DNMT3L: variants seen among roughly 807,000 people sequenced by gnomAD.
DNMT3L encodes the protein DNA (cytosine-5)-methyltransferase 3-like.
Under a neutral mutation model 36.2 loss-of-function variants are expected in DNMT3L, and 33 were observed. The ratio of observed to expected loss-of-function variants is 0.91; its 90% CI spans 0.69 to 1.22. The LOEUF (loss-of-function observed/expected upper bound fraction) is 1.22, where lower values mean the gene tolerates loss of function less well. DNMT3L is among the 50% of genes most tolerant of loss of function. The probability of loss-of-function intolerance (pLI) is 0.00; values close to 1 mark genes in which losing one functional copy is unlikely to be tolerated. For synonymous variants in DNMT3L, 117 were observed against 121.7 expected (o/e 0.96, Z 0.26); for missense variants, 310 against 303.1 (o/e 1.02, Z -0.17).
intron 2 of DNMT3L, 24 bp from the exon 3 acceptor site, chr21:44,260,863 C>A (rs570957584): frequency 3.4e-5 from 55 of 1,612,690 alleles, no homozygotes; most frequent in Non-Finnish European, 4.7e-5. Context: ...TAAGAAGTAG[C>A]CCCTTTCTTC....
At position 44,258,590 on chromosome 21, in the gene DNMT3L, C is replaced by T. The variant is rs750418689; in HGVS notation, c.449G>A (p.Arg150Gln). The T allele has an allele frequency of 1.2e-5, 20 of 1,610,800 alleles. No homozygotes were observed. Among genetic ancestry groups the T allele is most frequent in the South Asian group, 9.9e-5 (9 of 90,710 alleles). Reference sequence around the variant, plus strand: ...CCTCCGACGCTGCAGCAGCCCGCTTCGGGAGGACGGCAGGCACAGGTAGCA... The same window carrying T: ...CCTCCGACGCTGCAGCAGCCCGCTTTGGGAGGACGGCAGGCACAGGTAGCA... ...WVCYLCLPSS[R>Q]SGLLQRRRKW... The change falls in exon 6 of 12, where the codon CGA becomes CAA. Residue 150 changes from arginine (R) to glutamine (Q), a missense_variant. Physicochemically the swap from Arg to Gln is conservative, Grantham distance 43. Transcript: ENST00000628202. The surrounding 1 kb of genome is among the most constrained non-coding windows in gnomAD (Gnocchi z 6.2).
chr21:44,257,593 A>G (rs2040270569), intron 6 of DNMT3L, among the ~76,000 whole-genome samples: 1 of 148,704 alleles, frequency 6.7e-6, no homozygotes. Context: ...AGGCAGGAGA[A>G]TGGCGTGAAC....
intron 7 of DNMT3L, 118 bp from the exon 8 acceptor site, chr21:44,254,823 T>C (rs2040244946): frequency 2.0e-6 from 2 of 1,000,242 alleles, no homozygotes; most frequent in South Asian, 3.3e-5. Flanking sequence ...GCCAACTGTA[T>C]ATTTTTGTTG....
chr21:44,259,734 A>G (rs748395162), intron 3 of DNMT3L, 23 bp from the exon 4 acceptor site: 17 of 1,597,296 alleles, frequency 1.1e-5, no homozygotes, highest in African/African-American at 1.3e-5. Flanking sequence ...TTCAAAGCAC[A>G]CTGTGTTTTC....
At chr21:44,257,698 AAATAAATAAAT>A (rs2040274518) in intron 6 of DNMT3L, among the ~76,000 whole-genome samples, 1 of 39,644 alleles carries the variant, frequency 2.5e-5, no homozygotes, top group Non-Finnish European at 4.3e-5. Flanking sequence ...AAAAAAAAAT[AAATAAATAAAT>A]AAATAAATAA....
In DNMT3L at chr21:44,259,479, GAGC is replaced by G. The variant is rs776918241; in HGVS notation, c.299_301del (p.Cys100del). ...TCCGCAGATGAGCAGCGTCTCTCCG[GAGC>G]AGCAGATGGAGCAGTAGGATTGGTA... On this transcript the variant is annotated inframe_deletion, in exon 5 of 12. Coordinates refer to ENST00000628202, the MANE Select transcript of DNMT3L (RefSeq NM_175867.3). 6.2e-7 allele frequency: 1 copy of G among 1,613,700 alleles called. No homozygotes were observed. Among genetic ancestry groups the G allele is most frequent in the Non-Finnish European group, 8.5e-7 (1 of 1,180,012 alleles).
At chr21:44,257,702 AAAT>A (rs1443353041) in intron 6 of DNMT3L, among the ~76,000 whole-genome samples, 8 of 46,998 alleles carry the variant, frequency 1.7e-4, no homozygotes, top group African/African-American at 9.9e-4. Context: ...AAAAATAAAT[AAAT>A]AAATAAATAA....
At position 44,261,332 on chromosome 21, in the gene DNMT3L, C is replaced by T. The variant is rs554625850; in HGVS notation, c.-7-66G>A. ...AGCCCCTGCTCAGATCCCTGATGCA[C>T]CCCAGCACGGGAAGCAGCTTGCTGA... On this transcript the variant is annotated intron_variant, in intron 1 of 11. Transcript: ENST00000628202. 4.1e-6 allele frequency: 6 copies of T among 1,469,800 alleles called. No homozygotes were observed. In the African/African-American group the frequency reaches 4.2e-5, roughly 10 times the overall value. 91.0% of individuals were successfully genotyped at this position (1,469,800 alleles called of 1,614,324 possible).
intron 1 of DNMT3L, 56 bp from the exon 2 acceptor site, chr21:44,261,322 C>A: frequency 6.6e-7 from 1 of 1,507,162 alleles, no homozygotes; most frequent in Non-Finnish European, 9.1e-7. Flanking sequence ...CTGCTCAGAT[C>A]CCTGATGCAC....
intron 2 of DNMT3L, 35 bp from the exon 3 acceptor site, chr21:44,260,874 T>C (rs1360720277): frequency 1.2e-6 from 2 of 1,612,616 alleles, no homozygotes; most frequent in African/African-American, 1.3e-5. Context: ...CCCTTTCTTC[T>C]TCCTCTGATC....
chr21:44,255,411 C>T (rs1452874280), intron 7 of DNMT3L, among the ~76,000 whole-genome samples: 1 of 151,536 alleles, frequency 6.6e-6, no homozygotes, highest in Non-Finnish European at 1.5e-5. Flanking sequence ...ATCCCAGCTG[C>T]TCGGGAGGCT....
rs1384351127 is a variant in DNMT3L at position 44,255,533 on chromosome 21, A to G, written c.604+534T>C. On this transcript the variant is annotated intron_variant, in intron 7 of 11. Transcript: ENST00000628202. ...AAAAAAAAAGGATGTCAAGGACTGT[A>G]TTACAGCACCAGGCATTTCTGGGAT... 2.7e-5 allele frequency among the ~76,000 whole-genome samples: 4 copies of G among 150,094 alleles called. No individual in the cohort carries two copies. The East Asian group carries it at 7.8e-4, about 29-fold the overall frequency.
At position 44,254,479 on chromosome 21, in the gene DNMT3L, C is replaced by T. The variant is rs143666529; in HGVS notation, c.693+138G>A. ...AGACCCAGGATCCCCACCAGGCTGCCGAGAGGCCCCCGTGTGTTCAGGACT... is the reference window on the plus strand; with the variant it reads ...AGACCCAGGATCCCCACCAGGCTGCTGAGAGGCCCCCGTGTGTTCAGGACT... On this transcript the variant is annotated intron_variant, in intron 8 of 11. Coordinates refer to ENST00000628202, the MANE Select transcript of DNMT3L (RefSeq NM_175867.3). 1,637 of 920,606 alleles carry T rather than the reference C, an allele frequency of 1.8e-3. 6 individuals carry two copies. The highest frequency in any genetic ancestry group is 0.014 in the African/African-American group (845 of 58,954). The allele number at this position is 920,606 out of a possible 1,614,324, so 57.0% of individuals were successfully genotyped here. A position where few individuals can be genotyped will look rare whatever the true frequency, so the allele number is the denominator to read the frequency against.
chr21:44,254,668 G>A lies in DNMT3L; in HGVS notation c.642C>T (p.Asp214=). Residue 214 remains aspartate (D), a synonymous_variant, in exon 8 of 12, where the codon GAC becomes GAT. Coordinates refer to ENST00000628202, the MANE Select transcript of DNMT3L (RefSeq NM_175867.3). ...CAACCACATGCTTCAGTTGTCCCGGGTCAGAACCACTTTCCAAAAAGCCCA... is the reference window on the plus strand; with the variant it reads ...CAACCACATGCTTCAGTTGTCCCGGATCAGAACCACTTTCCAAAAAGCCCA... ...TSLGFLESGS[D]PGQLKHVVDV... 6.2e-7 allele frequency: 1 copy of A among 1,613,958 alleles called. No homozygotes were observed. The highest frequency in any genetic ancestry group is 8.5e-7 in the Non-Finnish European group (1 of 1,179,988).
intron 3 of DNMT3L, among the ~76,000 whole-genome samples, chr21:44,260,069 A>AG (rs1395153455): frequency 1.7e-3 from 264 of 151,248 alleles, no homozygotes; most frequent in African/African-American, 6.3e-3. Context: ...AAAAAAAAAA[A>AG]AAGAAGAAGA....
At position 44,258,429 on chromosome 21, in the gene DNMT3L, C is replaced by T. The variant is rs374655481; in HGVS notation, c.516+94G>A. 16 of 1,438,426 alleles carry T rather than the reference C, an allele frequency of 1.1e-5. No homozygotes were observed. The highest frequency in any genetic ancestry group is 5.2e-5 in the East Asian group (2 of 38,766). 89.1% of individuals were successfully genotyped at this position (1,438,426 alleles called of 1,614,324 possible). A position where few individuals can be genotyped will look rare whatever the true frequency, so the allele number is the denominator to read the frequency against. On this transcript the variant is annotated intron_variant, in intron 6 of 11. Transcript: ENST00000628202. This position sits in a 1 kb window ranked among gnomAD's most constrained non-coding sequence, Gnocchi z 6.2. ...CTCCCGAGGCTGCAGCCGTGGTGCCCGTCGGCGCGCCTGCATTCTGCAGCG... is the reference window on the plus strand; with the variant it reads ...CTCCCGAGGCTGCAGCCGTGGTGCCTGTCGGCGCGCCTGCATTCTGCAGCG...
chr21:44,257,680 CAA>C (rs60313825), intron 6 of DNMT3L, among the ~76,000 whole-genome samples: 12,070 of 120,380 alleles, frequency 0.1, 1,325 homozygotes, highest in East Asian at 0.29. Flanking sequence ...GACTCCGTCT[CAA>C]AAAAAAAAAA....
chr21:44,256,260 A>C (rs2040258456), intron 6 of DNMT3L, 106 bp from the exon 7 acceptor site: 2 of 1,152,518 alleles, frequency 1.7e-6, no homozygotes, highest in Non-Finnish European at 2.6e-6. Flanking sequence ...CTCGAGACTC[A>C]CCGGAGACAC....
At chr21:44,254,869 A>C (rs1476008952) in intron 7 of DNMT3L, among the ~76,000 whole-genome samples, 164 bp from the exon 8 acceptor site, 1 of 152,190 alleles carries the variant, frequency 6.6e-6, no homozygotes, top group East Asian at 1.9e-4. Flanking sequence ...TCTGTCGCCC[A>C]GGCTGGAGCG....
Sources: allele counts gnomAD v4.1 joint callset (sites outside exome capture counted in the v4.1 genomes callset), GRCh38; gene constraint gnomAD v4.1.1; non-coding constraint Gnocchi (gnomAD v3.1); transcripts MANE v1.5; gene names NCBI Gene and HGNC (gene_info 2026-07-23, HGNC 2026-07-21).